ANKRD36: variants seen among roughly 807,000 people sequenced by gnomAD.
The protein encoded by ANKRD36 is ankyrin repeat domain 36.
A neutral mutation model predicts 278.1 loss-of-function variants in ANKRD36; 179 were observed. The observed-to-expected ratio is 0.64, with a 90% confidence interval of 0.57 to 0.73. The LOEUF is 0.73. Among genes scored for constraint, ANKRD36 ranks in the 30% least tolerant of loss-of-function variants. ANKRD36 has a pLI of 0.00. For synonymous variants in ANKRD36, 320 were observed against 641.1 expected (o/e 0.50, Z 7.57); for missense variants, 1,159 against 1,956.7 (o/e 0.59, Z 7.69).
rs1440373463 is a variant in ANKRD36, at chr2:97,158,031, G to C, written c.1261-76G>C. On this transcript the variant is annotated intron_variant, in intron 15 of 75. Coordinates refer to ENST00000420699, the MANE Select transcript of ANKRD36 (RefSeq NM_001354587.1). ...TTCAAAGTCCATCCTTTTTGTGTTA[G>C]ATCATGTAGTAATGGTGGCAATTAT... The C allele has an allele frequency of 3.2e-6, 4 of 1,231,714 alleles. No individual in the cohort carries two copies. In the African/African-American group the frequency reaches 6.1e-5, roughly 19 times the overall value. 76.3% of individuals were successfully genotyped at this position (1,231,714 alleles called of 1,614,324 possible). A position where few individuals can be genotyped will look rare whatever the true frequency, so the allele number is the denominator to read the frequency against.
intron 52 of ANKRD36, among the ~76,000 whole-genome samples, 167 bp downstream of exon 52, chr2:97,206,302 G>T (rs1177856400): frequency 2.0e-5 from 3 of 151,404 alleles, no homozygotes; most frequent in Non-Finnish European, 4.4e-5. Flanking sequence ...CTGCTGGTCT[G>T]GAACATGATC....
chr2:97,213,370 C>G (rs1275515463), intron 58 of ANKRD36, 49 bp from the exon 59 acceptor site: 1 of 455,690 alleles, frequency 2.2e-6, no homozygotes, highest in Non-Finnish European at 3.7e-6. Flanking sequence ...GTATGGATAA[C>G]TTTATCATAT....
Position 97,124,491 on chromosome 2 carries a change from G to C in ANKRD36, c.625G>C (p.Glu209Gln). ...CCTCATACATGCTGTTACTCTTGGA[G>C]AAAAAGATATAGTCATTCTTCTTCT... is the stretch of plus-strand genomic sequence containing the variant. Reference protein sequence around the residue: ...SALIHAVTLGEKDIVILLLQH... With the variant: ...SALIHAVTLGQKDIVILLLQH... Residue 209 changes from glutamate (E) to glutamine (Q), a missense_variant, in exon 5 of 76, where the codon GAA (glutamate) becomes CAA (glutamine). By Grantham distance (29) the Glu-to-Gln change is conservative (BLOSUM62 2). Transcript: ENST00000420699. 6.4e-7 allele frequency: 1 copy of C among 1,550,946 alleles called. No individual in the cohort carries two copies. The highest frequency in any genetic ancestry group is 1.2e-5 in the South Asian group (1 of 83,802).
chr2:97,178,062 A>G (rs1431382052), intron 22 of ANKRD36, among the ~76,000 whole-genome samples: 1 of 150,472 alleles, frequency 6.6e-6, no homozygotes, highest in Non-Finnish European at 1.5e-5. Flanking sequence ...ATGCAGCCAA[A>G]AAACACATGA....
intron 6 of ANKRD36, among the ~76,000 whole-genome samples, chr2:97,142,191 G>A (rs531507633): frequency 6.6e-6 from 1 of 152,416 alleles, no homozygotes; most frequent in East Asian, 1.9e-4. Context: ...TACCTTCTCA[G>A]TTATCGGGCA....
rs201620661 is a variant in ANKRD36, at chr2:97,178,155, C to A, written c.1634-1583C>A. Among the ~76,000 whole-genome samples the A allele has an allele frequency of 6.7e-5, 10 of 149,776 alleles. No homozygotes were observed. The East Asian group carries it at 7.9e-4, about 12-fold the overall frequency. On this transcript the variant is annotated intron_variant, in intron 22 of 75. Coordinates refer to ENST00000420699, the MANE Select transcript of ANKRD36 (RefSeq NM_001354587.1). The stretch of plus-strand genomic sequence containing the variant: ...ACCATCTCACACCAGTTAGAATGGC[C>A]ATCATTAAAAAGTCAGGAAACAACA...
At chr2:97,200,871 A>C (rs1370915903) in intron 46 of ANKRD36, among the ~76,000 whole-genome samples, 1 of 151,908 alleles carries the variant, frequency 6.6e-6, no homozygotes, top group Non-Finnish European at 1.5e-5. Flanking sequence ...TACAGACGTC[A>C]CATCATAGTG....
At chr2:97,203,549 TG>T (rs2061978873) in intron 48 of ANKRD36, among the ~76,000 whole-genome samples, 1 of 151,870 alleles carries the variant, frequency 6.6e-6, no homozygotes, top group African/African-American at 2.4e-5. Context: ...AGGTGATGAA[TG>T]TAGGACACTT....
At chr2:97,157,047 T>C (rs1406808396) in intron 15 of ANKRD36, among the ~76,000 whole-genome samples, 1 of 151,930 alleles carries the variant, frequency 6.6e-6, no homozygotes, top group Non-Finnish European at 1.5e-5. Context: ...TTCAAGGACA[T>C]ACATTACTCT....
intron 18 of ANKRD36, chr2:97,163,518 G>A: frequency 3.5e-6 from 1 of 285,646 alleles, no homozygotes; most frequent in South Asian, 2.9e-5. Flanking sequence ...TTTTCTCCAA[G>A]TAGATATCTA....
intron 11 of ANKRD36, among the ~76,000 whole-genome samples, chr2:97,147,079 GC>G (rs1306045274): frequency 3.3e-5 from 5 of 151,858 alleles, no homozygotes; most frequent in African/African-American, 1.2e-4. Context: ...GCAAGACTAG[GC>G]CAGTCCTAGA....
intron 67 of ANKRD36, among the ~76,000 whole-genome samples, chr2:97,226,639 A>G (rs1281703399): frequency 2.6e-5 from 4 of 151,994 alleles, no homozygotes; most frequent in Middle Eastern, 3.2e-3. Context: ...ATTAGATCCC[A>G]TCTGTCAATT....
intron 30 of ANKRD36, among the ~76,000 whole-genome samples, chr2:97,186,891 A>G (rs890742386): frequency 6.6e-6 from 1 of 151,860 alleles, no homozygotes; most frequent in African/African-American, 2.4e-5. Context: ...TTCCCCTCTG[A>G]TTTTTGATCA....
At chr2:97,228,391 G>C (rs562847385) in intron 67 of ANKRD36, among the ~76,000 whole-genome samples, 41 of 152,118 alleles carry the variant, frequency 2.7e-4, no homozygotes, top group African/African-American at 9.4e-4. Context: ...AGGAATTTAT[G>C]CATTTCTTCT....
chr2:97,206,090 T>G lies in ANKRD36; in HGVS notation c.3118T>G (p.Leu1040Val). Residue 1040 changes from leucine (L) to valine (V), a missense_variant, in exon 52 of 76, where the codon TTG (leucine) becomes GTG (valine). Coordinates refer to ENST00000420699, the MANE Select transcript of ANKRD36 (RefSeq NM_001354587.1). The part of the protein sequence containing the change: ...KATSDEEDSV[L>V]SIARENKDGE... The stretch of plus-strand genomic sequence containing the variant: ...TACAAGTGATGAGGAAGATTCTGTT[T>G]TGAGTATAGCCAGAGAAAACAAGGA... 6.5e-7 allele frequency: 1 copy of G among 1,550,376 alleles called. No individual in the cohort carries two copies. The highest frequency in any genetic ancestry group is 8.7e-7 in the Non-Finnish European group (1 of 1,149,392).
intron 6 of ANKRD36, among the ~76,000 whole-genome samples, chr2:97,130,868 A>G (rs1372895044): frequency 1.3e-5 from 2 of 152,120 alleles, no homozygotes; most frequent in East Asian, 3.8e-4. Flanking sequence ...TAAGAGAATT[A>G]GCTACCTGTT....
chr2:97,222,046 C>CA (rs2067885258), intron 66 of ANKRD36, among the ~76,000 whole-genome samples: 1 of 151,442 alleles, frequency 6.6e-6, no homozygotes, highest in African/African-American at 2.4e-5. Flanking sequence ...ATCCTTTCCC[C>CA]ATTGCTTGTT....
At chr2:97,174,574 G>A (rs2053661933) in intron 22 of ANKRD36, among the ~76,000 whole-genome samples, 2 of 151,782 alleles carry the variant, frequency 1.3e-5, no homozygotes, top group African/African-American at 4.8e-5. Flanking sequence ...TCTGCAAACA[G>A]GGACAATTTG....
intron 12 of ANKRD36, among the ~76,000 whole-genome samples, chr2:97,149,693 T>C (rs2045398670): frequency 6.6e-6 from 1 of 152,000 alleles, no homozygotes; most frequent in Non-Finnish European, 1.5e-5. Context: ...TGTTTTTACT[T>C]TGAGTTGTAT....
Sources: allele counts gnomAD v4.1 joint callset (sites outside exome capture counted in the v4.1 genomes callset), GRCh38; gene constraint gnomAD v4.1.1; transcripts MANE v1.5; gene names NCBI Gene and HGNC (gene_info 2026-07-23, HGNC 2026-07-21).